Variants in TMEM131L observed in about 807,000 individuals in gnomAD.
The protein encoded by TMEM131L is transmembrane protein 131-like.
TMEM131L carries 54 observed loss-of-function variants against 192.2 expected under a neutral mutation model. The ratio of observed to expected loss-of-function variants is 0.28; its 90% confidence interval spans 0.23 to 0.35. The LOEUF is 0.35. Ranked by LOEUF, TMEM131L falls within the 10% of genes least tolerant of loss-of-function variation. TMEM131L has a pLI of 1.00. For synonymous variants in TMEM131L, 701 were observed against 704.9 expected (o/e 0.99, Z 0.09); for missense variants, 1,888 against 1,972.9 (o/e 0.96, Z 0.82).
chr4:153,542,752 G>GCATGATTCTTTT lies in TMEM131L; in HGVS notation c.240-7316_240-7305dup, dbSNP rs1452902673. The stretch of plus-strand genomic sequence containing the variant: ...TGAAGAAGGATCTTAAGTGAGCAGG[G>GCATGATTCTTTT]CATGATTCTTTTCATGTAAGTAAGT... On this transcript the variant is annotated intron_variant, in intron 3 of 34. Transcript: ENST00000409959. Among the ~76,000 whole-genome samples the GCATGATTCTTTT allele has an allele frequency of 4.6e-5, 7 of 152,310 alleles. No homozygotes were observed. The East Asian group carries it at 1.4e-3, about 29-fold the overall frequency.
chr4:153,543,038 C>T (rs968955221), intron 3 of TMEM131L, among the ~76,000 whole-genome samples: 1 of 152,202 alleles, frequency 6.6e-6, no homozygotes, highest in African/African-American at 2.4e-5. Flanking sequence ...TTAGCGAGAG[C>T]GCCTCCAACA....
At chr4:153,571,518 C>T (rs1729587197) in intron 7 of TMEM131L, among the ~76,000 whole-genome samples, 2 of 152,150 alleles carry the variant, frequency 1.3e-5, no homozygotes, top group South Asian at 2.1e-4. Flanking sequence ...AAGTGTATTT[C>T]TTCACAGTTC....
intron 2 of TMEM131L, among the ~76,000 whole-genome samples, chr4:153,472,943 T>C (rs1014517052): frequency 2.6e-5 from 4 of 152,324 alleles, no homozygotes; most frequent in African/African-American, 9.6e-5. Flanking sequence ...CAGCTAAGGC[T>C]TAGGGACAAG....
chr4:153,550,197 G>C, intron 4 of TMEM131L, 56 bp downstream of exon 4: 3 of 743,762 alleles, frequency 4.0e-6, no homozygotes, highest in Non-Finnish European at 6.3e-6. Flanking sequence ...TTTATTTTCA[G>C]AATTTTTTTT....
chr4:153,569,324 GAC>G (rs1207794412), intron 7 of TMEM131L, among the ~76,000 whole-genome samples: 2 of 152,074 alleles, frequency 1.3e-5, no homozygotes, highest in African/African-American at 4.8e-5. Flanking sequence ...TTTCTTTGTT[GAC>G]CCTCCTCGGA....
intron 3 of TMEM131L, among the ~76,000 whole-genome samples, chr4:153,482,862 A>G (rs1222721447): frequency 4.6e-5 from 7 of 152,184 alleles, no homozygotes; most frequent in Admixed American, 4.6e-4. Context: ...AAATGTTGGC[A>G]TTACAGGCGT....
chr4:153,624,221 C>T (rs917720128), intron 29 of TMEM131L, among the ~76,000 whole-genome samples: 1 of 151,348 alleles, frequency 6.6e-6, no homozygotes, highest in African/African-American at 2.4e-5. Flanking sequence ...CGGTTTTAAG[C>T]GATTCTTGTG....
At chr4:153,481,174 C>G (rs1731914895) in intron 3 of TMEM131L, among the ~76,000 whole-genome samples, 2 of 151,984 alleles carry the variant, frequency 1.3e-5, no homozygotes, top group African/African-American at 4.8e-5. Flanking sequence ...CTTTTCTCTT[C>G]CCCAGCCATC....
chr4:153,514,244 G>A (rs555015510), intron 3 of TMEM131L, among the ~76,000 whole-genome samples: 15 of 152,148 alleles, frequency 9.9e-5, no homozygotes, highest in Non-Finnish European at 1.9e-4. Flanking sequence ...TAGTGGTGCA[G>A]TTCACATAAA....
At chr4:153,567,776 C>G (rs1325999415) in intron 7 of TMEM131L, among the ~76,000 whole-genome samples, 1 of 152,128 alleles carries the variant, frequency 6.6e-6, no homozygotes, top group Non-Finnish European at 1.5e-5. Flanking sequence ...CTTCTGACCT[C>G]AGGTGATCCT....
At chr4:153,592,613 T>G (rs763701042) in intron 18 of TMEM131L, 29 bp downstream of exon 18, 22 of 1,433,098 alleles carry the variant, frequency 1.5e-5, no homozygotes, top group Non-Finnish European at 2.0e-5. Context: ...TGAGAGGCAG[T>G]TTGGGAAGTA....
rs570771091 is a variant in TMEM131L at position 153,629,315 on chromosome 4, C to T, written c.4207+1628C>T. ...TTCAGCAAGCTCCCACTGCCCTCTC[C>T]ACCAGCCCACCATGTCATGCCATTC... On this transcript the variant is annotated intron_variant, in intron 31 of 34. Coordinates refer to ENST00000409959, the MANE Select transcript of TMEM131L (RefSeq NM_001131007.2). Among the ~76,000 whole-genome samples, 9 of 152,308 alleles carry T rather than the reference C, an allele frequency of 5.9e-5. No individual in the cohort carries two copies. In the East Asian group the frequency reaches 1.7e-3, roughly 29 times the overall value.
intron 3 of TMEM131L, among the ~76,000 whole-genome samples, chr4:153,518,090 G>C (rs2065987954): frequency 6.6e-6 from 1 of 152,092 alleles, no homozygotes; most frequent in African/African-American, 2.4e-5. Context: ...CTTGCTTTTA[G>C]TGAGAGCTGA....
Position 153,602,199 on chromosome 4 carries a change from G to C in TMEM131L, c.2314G>C (p.Val772Leu). The stretch of plus-strand genomic sequence containing the variant: ...TTTATCTATTACAAAGAACTTTAAA[G>C]TTGAGAATATTGGACCTCTTCCTAT... ...QILSITKNFK[V>L]ENIGPLPITV... Residue 772 changes from valine to leucine, a missense_variant, in exon 22 of 35, where the codon GTT becomes CTT. By Grantham distance (32) the Val-to-Leu change is conservative. Coordinates refer to ENST00000409959, the MANE Select transcript of TMEM131L (RefSeq NM_001131007.2). 1 of 1,610,740 alleles carries C rather than the reference G, an allele frequency of 6.2e-7. No individual in the cohort carries two copies.
chr4:153,503,110 A>G (rs1434622490), intron 3 of TMEM131L, among the ~76,000 whole-genome samples: 1 of 152,254 alleles, frequency 6.6e-6, no homozygotes, highest in East Asian at 1.9e-4. Flanking sequence ...AAACAAAGAT[A>G]TAATTTCAGT....
At chr4:153,573,418 C>G (rs1401025040) in intron 7 of TMEM131L, among the ~76,000 whole-genome samples, 47 of 152,212 alleles carry the variant, frequency 3.1e-4, no homozygotes. Flanking sequence ...TTGTTTGAGG[C>G]CCAGCATCAT....
At chr4:153,510,703 C>T (rs1476569369) in intron 3 of TMEM131L, among the ~76,000 whole-genome samples, 2 of 152,088 alleles carry the variant, frequency 1.3e-5, no homozygotes, top group East Asian at 1.9e-4. Context: ...CATGTCAAAT[C>T]CTCATTTTTA....
intron 7 of TMEM131L, among the ~76,000 whole-genome samples, chr4:153,567,662 A>G (rs867906316): frequency 1.3e-5 from 2 of 151,438 alleles, no homozygotes; most frequent in South Asian, 4.2e-4. Flanking sequence ...CTCCTGTCTC[A>G]GCCTCCTGAG....
chr4:153,529,358 T>C (rs1735728505), intron 3 of TMEM131L, among the ~76,000 whole-genome samples: 1 of 152,222 alleles, frequency 6.6e-6, no homozygotes, highest in African/African-American at 2.4e-5. Context: ...CCACTAAAAT[T>C]GGCAAGCTTT....
Sources: allele counts gnomAD v4.1 joint callset (sites outside exome capture counted in the v4.1 genomes callset), GRCh38; gene constraint gnomAD v4.1.1; transcripts MANE v1.5; gene names NCBI Gene and HGNC (gene_info 2026-07-23, HGNC 2026-07-21).